IQSEC1: variants seen among roughly 807,000 people sequenced by gnomAD.
The protein encoded by IQSEC1 is IQ motif and SEC7 domain-containing protein 1.
A neutral mutation model predicts 91.0 loss-of-function variants in IQSEC1; 31 were observed. The ratio of observed to expected loss-of-function variants is 0.34; its 90% CI spans 0.26 to 0.46. The LOEUF is 0.46. IQSEC1 is among the 20% of genes least tolerant of loss of function. The pLI is 1.00. For missense variants in IQSEC1, 1,388 were observed against 1,575.6 expected (o/e 0.88, Z 2.02); for synonymous variants, 699 against 662.6 (o/e 1.05, Z -0.84).
intron 2 of IQSEC1, among the ~76,000 whole-genome samples, chr3:13,130,883 A>C (rs529611295): frequency 1.6e-4 from 25 of 151,722 alleles, no homozygotes; most frequent in African/African-American, 5.8e-4. Context: ...TGAGACTGAG[A>C]ATTGCTTCCA....
chr3:13,230,731 C>A (rs1559281964), intron 1 of IQSEC1, among the ~76,000 whole-genome samples: 1 of 152,214 alleles, frequency 6.6e-6, no homozygotes, highest in African/African-American at 2.4e-5. Flanking sequence ...GATCTGGAAG[C>A]AACAGTTTTG....
rs943348381 is a variant in IQSEC1 at position 12,992,748 on chromosome 3, G to A, written c.24-50883C>T. Among the ~76,000 whole-genome samples, 1 of 151,842 alleles carries A rather than the reference G, an allele frequency of 6.6e-6. No homozygotes were observed. Among genetic ancestry groups the A allele is most frequent in the African/African-American group, 2.4e-5 (1 of 41,104 alleles). ...GCTGTCCTTGTGAGCCTCATCTCCT[G>A]GACAAGGCCAGGGGGAGGGGACACC... On this transcript the variant is annotated intron_variant, in intron 1 of 13. Transcript: ENST00000613206. This position sits in a 1 kb window ranked among gnomAD's most constrained non-coding sequence, Gnocchi z 4.1.
At chr3:12,991,639 T>G (rs919587981) in intron 1 of IQSEC1, among the ~76,000 whole-genome samples, 1 of 152,234 alleles carries the variant, frequency 6.6e-6, no homozygotes, top group African/African-American at 2.4e-5. Flanking sequence ...AGCTCCAGCT[T>G]GCACAGCCCA....
chr3:12,923,420 C>T (rs1054724395), intron 4 of IQSEC1, among the ~76,000 whole-genome samples: 27 of 152,180 alleles, frequency 1.8e-4, no homozygotes, highest in African/African-American at 6.3e-4. Flanking sequence ...GCCACCCTAA[C>T]GATACAGCAG....
At chr3:12,995,997 C>G (rs1702212039) in intron 1 of IQSEC1, among the ~76,000 whole-genome samples, 1 of 151,950 alleles carries the variant, frequency 6.6e-6, no homozygotes, top group African/African-American at 2.4e-5. Flanking sequence ...CTGGGCAACA[C>G]AGCGAGACTC....
intron 1 of IQSEC1, among the ~76,000 whole-genome samples, chr3:13,179,675 C>T (rs1693799974): frequency 6.6e-6 from 1 of 152,276 alleles, no homozygotes; most frequent in South Asian, 2.1e-4. Flanking sequence ...GCCCTTCAGC[C>T]TGCCACGGCA....
At chr3:13,276,243 T>C (rs242520) in intron 1 of IQSEC1, among the ~76,000 whole-genome samples, 113,187 of 151,586 alleles carry the variant, frequency 0.75, 43,074 homozygotes, top group East Asian at 0.97. Flanking sequence ...CGCCTGCCAC[T>C]GCGCCAGGCT....
At chr3:12,955,372 C>A (rs1349957635) in intron 1 of IQSEC1, among the ~76,000 whole-genome samples, 1 of 152,236 alleles carries the variant, frequency 6.6e-6, no homozygotes, top group Non-Finnish European at 1.5e-5. Flanking sequence ...AGAAAGGAAG[C>A]AGGGGGCAGA....
intron 2 of IQSEC1, among the ~76,000 whole-genome samples, chr3:13,141,096 G>A (rs1245056791): frequency 6.6e-6 from 1 of 152,206 alleles, no homozygotes; most frequent in African/African-American, 2.4e-5. Flanking sequence ...CTACGAGCAC[G>A]GAAAATCCGC....
At chr3:13,172,671 C>T (rs1444617587) in intron 1 of IQSEC1, among the ~76,000 whole-genome samples, 3 of 152,188 alleles carry the variant, frequency 2.0e-5, no homozygotes, top group African/African-American at 4.8e-5. Flanking sequence ...GGGTTCCCTT[C>T]GAATTGGACA....
chr3:13,244,861 C>T (rs1695081968), intron 1 of IQSEC1, among the ~76,000 whole-genome samples: 1 of 152,138 alleles, frequency 6.6e-6, no homozygotes, highest in South Asian at 2.1e-4. Flanking sequence ...ACCGTGGCAC[C>T]AGCCAACTGC....
chr3:13,180,110 T>C (rs1012860933), intron 1 of IQSEC1, among the ~76,000 whole-genome samples: 1 of 31,550 alleles, frequency 3.2e-5, no homozygotes, highest in South Asian at 1.1e-3. Context: ...AGGTGCATGG[T>C]GCGGGACTGG....
At position 13,193,291 on chromosome 3, in the gene IQSEC1, C is replaced by A. The variant is rs902136218; in HGVS notation, c.273-29158G>T. 6.6e-6 allele frequency among the ~76,000 whole-genome samples: 1 copy of A among 152,216 alleles called. No homozygotes were observed. The highest frequency in any genetic ancestry group is 2.4e-5 in the African/African-American group (1 of 41,462). ...ACAGCTTCAGCCCCACTGATGACTGCGCTTCTGAGCCATTTCCGGCCTGTG... is the reference window on the plus strand; with the variant it reads ...ACAGCTTCAGCCCCACTGATGACTGAGCTTCTGAGCCATTTCCGGCCTGTG... On this transcript the variant is annotated intron_variant, in intron 1 of 15. Transcript: ENST00000648114. This position sits in a 1 kb window ranked among gnomAD's most constrained non-coding sequence, Gnocchi z 4.2.
At chr3:13,228,629 C>A (rs1387103592) in intron 1 of IQSEC1, among the ~76,000 whole-genome samples, 1 of 152,208 alleles carries the variant, frequency 6.6e-6, no homozygotes, top group African/African-American at 2.4e-5. Context: ...CTTACCAAAA[C>A]CTTTGCAGGG....
chr3:13,102,629 T>C (rs1706084648), intron 2 of IQSEC1, among the ~76,000 whole-genome samples: 1 of 152,144 alleles, frequency 6.6e-6, no homozygotes, highest in Admixed American at 6.5e-5. Context: ...TTTGAAGATA[T>C]TTATTGGTAA....
intron 2 of IQSEC1, among the ~76,000 whole-genome samples, chr3:12,938,791 C>A (rs536257379): frequency 6.6e-6 from 1 of 152,158 alleles, no homozygotes; most frequent in Non-Finnish European, 1.5e-5. Flanking sequence ...GACCACGCAG[C>A]CACCCTGTTT....
Position 13,253,411 on chromosome 3 carries a change from G to A in IQSEC1, c.272+29300C>T, listed in dbSNP as rs111518749. Among the ~76,000 whole-genome samples the A allele has an allele frequency of 2.7e-3, 407 of 152,284 alleles. 3 individuals carry two copies. Among genetic ancestry groups the A allele is most frequent in the African/African-American group, 9.3e-3 (385 of 41,556 alleles). On this transcript the variant is annotated intron_variant, in intron 1 of 15. Transcript: ENST00000648114. ...TCCCCGGAAGTAATCATCCCCACCCGAGGCAGCTTAGCCAAGATGGCGGGT... is the reference window on the plus strand; with the variant it reads ...TCCCCGGAAGTAATCATCCCCACCCAAGGCAGCTTAGCCAAGATGGCGGGT...
chr3:13,278,248 T>TCC (rs35573398), intron 1 of IQSEC1, among the ~76,000 whole-genome samples: 12 of 150,452 alleles, frequency 8.0e-5, no homozygotes, highest in Middle Eastern at 3.4e-3. Flanking sequence ...CCACTGGGCT[T>TCC]CCCCCCCCCA....
At chr3:12,993,739 A>G (rs1476221324) in intron 1 of IQSEC1, among the ~76,000 whole-genome samples, 2 of 152,204 alleles carry the variant, frequency 1.3e-5, no homozygotes, top group African/African-American at 2.4e-5. Flanking sequence ...GACACCGCAG[A>G]GCCCAGCTCA....
Sources: gnomAD v4.1 joint callset for allele counts (sites outside exome capture counted in the v4.1 genomes callset) on GRCh38, gnomAD v4.1.1 for gene constraint, Gnocchi (gnomAD v3.1) non-coding constraint, MANE v1.5 for transcripts, NCBI Gene and HGNC (gene_info 2026-07-23, HGNC 2026-07-21) for gene names.